NF1: variants seen among roughly 807,000 people sequenced by gnomAD.
NF1 encodes neurofibromin 1.
A neutral mutation model predicts 325.7 loss-of-function variants in NF1; 122 were observed. The ratio of observed to expected loss-of-function variants is 0.37; its 90% CI spans 0.32 to 0.44. The LOEUF (loss-of-function observed/expected upper bound fraction) is 0.44, where lower values mean the gene tolerates loss of function less well. Among genes scored for constraint, NF1 ranks in the 20% least tolerant of loss-of-function variants. The probability of loss-of-function intolerance (pLI) is 1.00; values close to 1 mark genes in which losing one functional copy is unlikely to be tolerated. For synonymous variants in NF1, 1,091 were observed against 1,186.0 expected, an observed-to-expected ratio of 0.92 and a Z score of 1.65; for missense variants, 2,140 against 3,415.4, an observed-to-expected ratio of 0.63 and a Z score of 9.31.
At position 31,343,261 on chromosome 17, in the gene NF1, T is replaced by A. The variant is rs1357454709; in HGVS notation, c.7189+126T>A. ...CTTATGTCTTACTTTAAATGCAAAC[T>A]AGGCCAGGCGTGGTGGCTCACGTCT... is the stretch of plus-strand genomic sequence containing the variant. On this transcript the variant is annotated intron_variant, in intron 48 of 57. Transcript: ENST00000358273. 5 of 944,042 alleles carry A rather than the reference T, an allele frequency of 5.3e-6. No homozygotes were observed. In the Admixed American group the frequency reaches 1.1e-4, roughly 20 times the overall value. The allele number at this position is 944,042 out of a possible 1,614,324, so 58.5% of individuals were successfully genotyped here.
chr17:31,377,331 T>C lies in NF1; in HGVS notation c.*3176T>C, dbSNP rs1567636124. The C allele has an allele frequency of 4.3e-6, 1 of 233,476 alleles. No individual in the cohort carries two copies. Among genetic ancestry groups the C allele is most frequent in the East Asian group, 6.1e-5 (1 of 16,516 alleles). 14.5% of individuals were successfully genotyped at this position (233,476 alleles called of 1,614,324 possible). On this transcript the variant is annotated 3_prime_UTR_variant, in exon 58 of 58. Coordinates refer to ENST00000358273, the MANE Select transcript of NF1 (RefSeq NM_001042492.3). ...TGCTGCACATGGATAACAACAAAAATTTGATTATTCTCGTGTTAGTATTGT... is the reference window on the plus strand; with the variant it reads ...TGCTGCACATGGATAACAACAAAAACTTGATTATTCTCGTGTTAGTATTGT...
intron 29 of NF1, among the ~76,000 whole-genome samples, chr17:31,240,132 C>A (rs189951441): frequency 2.6e-5 from 4 of 152,268 alleles, no homozygotes; most frequent in African/African-American, 9.6e-5. Flanking sequence ...ACAATAAGTT[C>A]TTGTTGACTG....
intron 57 of NF1, among the ~76,000 whole-genome samples, chr17:31,369,783 G>C (rs1355849885): frequency 2.0e-5 from 3 of 152,188 alleles, no homozygotes; most frequent in African/African-American, 7.2e-5. Context: ...TAATCTGAGA[G>C]TTTTTCCTAT....
At chr17:31,339,117 C>T (rs112700353) in intron 46 of NF1, among the ~76,000 whole-genome samples, 101 of 152,120 alleles carry the variant, frequency 6.6e-4, no homozygotes, top group African/African-American at 1.9e-3. Flanking sequence ...CTGTTTTAGG[C>T]GCTAGAGATA....
chr17:31,325,797 G>T (rs2151537369), intron 36 of NF1, 23 bp from the exon 37 acceptor site: 3 of 1,588,626 alleles, frequency 1.9e-6, no homozygotes, highest in South Asian at 2.2e-5. Context: ...AATAATCTTT[G>T]TCTTTTTTGT....
intron 51 of NF1, 144 bp downstream of exon 51, chr17:31,352,558 T>A (rs765102695): frequency 4.3e-6 from 3 of 697,516 alleles, no homozygotes; most frequent in Non-Finnish European, 4.6e-6. Flanking sequence ...TAAAAGAGAG[T>A]TTGATAGATC....
chr17:31,264,956 T>A (rs1190455230), intron 35 of NF1, among the ~76,000 whole-genome samples: 2 of 152,208 alleles, frequency 1.3e-5, no homozygotes, highest in Non-Finnish European at 2.9e-5. Context: ...CATAAACTTC[T>A]GTCTGGGACA....
chr17:31,336,874 C>T lies in NF1; in HGVS notation c.6387C>T (p.Ile2129=), dbSNP rs786203078. 2.5e-6 allele frequency: 4 copies of T among 1,613,086 alleles called. No homozygotes were observed. The highest frequency in any genetic ancestry group is 3.4e-6 in the Non-Finnish European group (4 of 1,180,008). The stretch of plus-strand genomic sequence containing the variant: ...CCACACATGGACTGGTCATTAATAT[C>T]ATTCACTCTCTGTGTACTTGTTCAC... The part of the protein sequence containing the change: ...RASTHGLVIN[I]IHSLCTCSQL... The change falls in exon 42 of 58, where the codon ATC becomes ATT. Residue 2129 remains isoleucine, a synonymous_variant. Transcript: ENST00000358273. This position sits in a 1 kb window ranked among gnomAD's most constrained non-coding sequence, Gnocchi z 5.5.
chr17:31,298,113 G>A (rs1450085023), intron 36 of NF1, among the ~76,000 whole-genome samples: 1 of 152,068 alleles, frequency 6.6e-6, no homozygotes. Flanking sequence ...AAGAATAGCA[G>A]TATCAATTTA....
intron 36 of NF1, chr17:31,305,686 T>G: frequency 6.8e-7 from 1 of 1,474,948 alleles, no homozygotes; most frequent in Non-Finnish European, 9.1e-7. Context: ...GGTGTCTAGT[T>G]AAAAATTTGA....
Position 31,340,847 on chromosome 17 carries a change from CA to C in NF1, c.7062+215del, listed in dbSNP as rs1051607259. Among the ~76,000 whole-genome samples, 404 of 62,542 alleles carry C rather than the reference CA, an allele frequency of 6.5e-3. 1 individual carries two copies. Among genetic ancestry groups the C allele is most frequent in the African/African-American group, 0.014 (283 of 19,552 alleles). 41.0% of individuals were successfully genotyped at this position (62,542 alleles called of 152,430 possible). On this transcript the variant is annotated intron_variant, in intron 47 of 57. Transcript: ENST00000358273. ...ATGCATATTTTTTACATAAAAATAG[CA>C]AAAAAAAAAAAACAAAAAAAAAACA...
At chr17:31,274,522 A>G (rs1362586537) in intron 36 of NF1, among the ~76,000 whole-genome samples, 2 of 152,176 alleles carry the variant, frequency 1.3e-5, no homozygotes, top group African/African-American at 4.8e-5. Context: ...CATGCTTGGT[A>G]AATCTTATTT....
intron 38 of NF1, 123 bp from the exon 39 acceptor site, chr17:31,330,173 C>A: frequency 1.2e-6 from 1 of 827,302 alleles, no homozygotes; most frequent in Non-Finnish European, 2.0e-6. Context: ...TCTAACTGAT[C>A]ATAAAATTTA....
At chr17:31,205,165 G>A (rs910283776) in intron 11 of NF1, among the ~76,000 whole-genome samples, 4 of 152,056 alleles carry the variant, frequency 2.6e-5, no homozygotes, top group Non-Finnish European at 4.4e-5. Flanking sequence ...AATATAACTC[G>A]ATGCTATTCA....
In NF1 at chr17:31,095,000, G is replaced by C; in HGVS notation, c.-310G>C. 1 of 540,414 alleles carries C rather than the reference G, an allele frequency of 1.9e-6. No homozygotes were observed. 33.5% of individuals were successfully genotyped at this position (540,414 alleles called of 1,614,324 possible). A position where few individuals can be genotyped will look rare whatever the true frequency, so the allele number is the denominator to read the frequency against. On this transcript the variant is annotated 5_prime_UTR_variant, in exon 1 of 58. Transcript: ENST00000358273. ...CCACTTCCGGTGGGGTGTCATGGCG[G>C]CGTCTCGGACTGTGATGGCTGTGGG...
chr17:31,176,257 A>T (rs1184635293), intron 5 of NF1, among the ~76,000 whole-genome samples: 1 of 152,034 alleles, frequency 6.6e-6, no homozygotes, highest in Non-Finnish European at 1.5e-5. Context: ...TTTGATTTGC[A>T]TTTCTGTAAT....
chr17:31,098,523 C>T (rs1258593505), intron 1 of NF1, among the ~76,000 whole-genome samples: 1 of 152,082 alleles, frequency 6.6e-6, no homozygotes, highest in Non-Finnish European at 1.5e-5. Flanking sequence ...TGCCACCACT[C>T]CTGGATAACA....
chr17:31,212,789 GT>G (rs2066751758), intron 12 of NF1, among the ~76,000 whole-genome samples: 1 of 151,926 alleles, frequency 6.6e-6, no homozygotes, highest in African/African-American at 2.4e-5. Flanking sequence ...GTACATAATT[GT>G]ATGTGCTATA....
intron 57 of NF1, among the ~76,000 whole-genome samples, chr17:31,363,440 T>C (rs1325373864): frequency 6.8e-6 from 1 of 147,342 alleles, no homozygotes; most frequent in African/African-American, 2.5e-5. Context: ...CTCTCTCTTT[T>C]TTTTTTTTTT....
Sources: allele counts gnomAD v4.1 joint callset (sites outside exome capture counted in the v4.1 genomes callset), GRCh38; gene constraint gnomAD v4.1.1; non-coding constraint Gnocchi (gnomAD v3.1); transcripts MANE v1.5; gene names NCBI Gene and HGNC (gene_info 2026-07-23, HGNC 2026-07-21).